Variants in SLC35E4 observed in about 807,000 individuals in gnomAD.
SLC35E4 encodes solute carrier family 35 member E4.
SLC35E4 carries 15 observed loss-of-function variants against 19.3 expected under a neutral mutation model. That is an observed-to-expected ratio of 0.78 (90% CI 0.52 to 1.20). The LOEUF (loss-of-function observed/expected upper bound fraction) is 1.20, where lower values mean the gene tolerates loss of function less well. Ranked by LOEUF, SLC35E4 falls within the 50% of genes most tolerant of loss-of-function variation. The pLI, the probability that SLC35E4 is intolerant of heterozygous loss-of-function variation, is 0.00. For missense variants in SLC35E4, 406 were observed against 472.3 expected (o/e 0.86, Z 1.30); for synonymous variants, 219 against 219.9 (o/e 1.00, Z 0.04).
At chr22:30,660,782 T>C (rs1476523012) in intron 2 of SLC35E4, among the ~76,000 whole-genome samples, 1 of 151,128 alleles carries the variant, frequency 6.6e-6, no homozygotes, top group Admixed American at 6.6e-5. Context: ...TGGGAAACAA[T>C]AGTTAGAATG....
intron 2 of SLC35E4, among the ~76,000 whole-genome samples, chr22:30,657,293 ACACACAC>A (rs1569065147): frequency 6.6e-6 from 1 of 150,772 alleles, no homozygotes; most frequent in Non-Finnish European, 1.5e-5. Context: ...ACACACACAC[ACACACAC>A]ACACACAAAT....
chr22:30,648,365 G>A (rs575068004), downstream of SLC35E4, among the ~76,000 whole-genome samples: 1 of 151,870 alleles, frequency 6.6e-6, no homozygotes, highest in African/African-American at 2.4e-5. Context: ...TGTTCCCTCC[G>A]TCCAGTCCCC....
At chr22:30,663,909 CCATTG>C, downstream of SLC35E4, 1 of 1,614,198 alleles carries the variant, frequency 6.2e-7, no homozygotes, top group Non-Finnish European at 8.5e-7. Flanking sequence ...GGCGGCCACA[CCATTG>C]CTGATATACA....
At chr22:30,641,024 C>T (rs182421676) in intron 1 of SLC35E4, among the ~76,000 whole-genome samples, 1 of 152,308 alleles carries the variant, frequency 6.6e-6, no homozygotes, top group African/African-American at 2.4e-5. Flanking sequence ...CTATTTTTTG[C>T]CCTCAGGTTA....
chr22:30,652,564 T>A (rs1191404411), downstream of SLC35E4, among the ~76,000 whole-genome samples: 1 of 152,208 alleles, frequency 6.6e-6, no homozygotes, highest in Non-Finnish European at 1.5e-5. Context: ...AACTTGGAGA[T>A]TAGAAGCAAG....
chr22:30,665,059 G>A (rs1435415704), downstream of SLC35E4: 3 of 153,186 alleles, frequency 2.0e-5, no homozygotes, highest in Admixed American at 6.5e-5. Flanking sequence ...CCTCAGGTGC[G>A]GCCTGGGTGC....
downstream of SLC35E4, chr22:30,667,964 G>A (rs1569076984): frequency 6.5e-6 from 1 of 152,746 alleles, no homozygotes; most frequent in Non-Finnish European, 1.5e-5. Flanking sequence ...TTCCGCCCAG[G>A]GACTAACTCC....
At chr22:30,650,962 C>T (rs193180067), downstream of SLC35E4, among the ~76,000 whole-genome samples, 1 of 151,636 alleles carries the variant, frequency 6.6e-6, no homozygotes, top group East Asian at 2.0e-4. Flanking sequence ...TCTACCCTCC[C>T]CTGGTGGCCC....
At position 30,636,543 on chromosome 22, in the gene SLC35E4, C is replaced by T; in HGVS notation, c.93C>T (p.Pro31=). 1.9e-6 allele frequency: 3 copies of T among 1,559,658 alleles called. No homozygotes were observed. Among genetic ancestry groups the T allele is most frequent in the Middle Eastern group, 3.4e-4 (2 of 5,956 alleles). ...AAGGAQAAGP[P]EWPPGSPQAL... is the part of the protein sequence containing the mutation. Reference sequence around the variant, plus strand: ...GTGGTGCTCAGGCGGCTGGGCCCCCCGAGTGGCCCCCTGGCAGCCCTCAGG... The same window carrying T: ...GTGGTGCTCAGGCGGCTGGGCCCCCTGAGTGGCCCCCTGGCAGCCCTCAGG... The change falls in exon 1 of 2, where the codon CCC becomes CCT. Residue 31 remains proline (P), a synonymous_variant. Coordinates refer to ENST00000343605, the MANE Select transcript of SLC35E4 (RefSeq NM_001001479.4).
rs1274908922 is a variant in SLC35E4 at position 30,636,376 on chromosome 22, C to T, written c.-75C>T. On this transcript the variant is annotated 5_prime_UTR_variant, in exon 1 of 2. Transcript: ENST00000343605. ...CGGAGGAACCAGGATCTAGCCTGGC[C>T]CCAAGCGGAACTCTCTGGTGGCCCA... 2 of 1,432,418 alleles carry T rather than the reference C, an allele frequency of 1.4e-6. No individual in the cohort carries two copies. Among genetic ancestry groups the T allele is most frequent in the African/African-American group, 1.4e-5 (1 of 69,562 alleles). 88.7% of individuals were successfully genotyped at this position (1,432,418 alleles called of 1,614,324 possible).
In SLC35E4 at chr22:30,637,042, C is replaced by T; in HGVS notation, c.592C>T (p.Leu198Phe). The T allele has an allele frequency of 1.3e-6, 2 of 1,581,738 alleles. No individual in the cohort carries two copies. The highest frequency in any genetic ancestry group is 2.3e-5 in the South Asian group (2 of 88,036). The part of the protein sequence containing the change: ...GCGFLLAATC[L>F]RGLKSVQQSA... ...TGGCTTCCTGCTCGCAGCCACCTGC[C>T]TCCGCGGACTCAAGTCGGTTCAGCA... The change falls in exon 1 of 2, where the codon CTC (leucine) becomes TTC (phenylalanine). Residue 198 changes from leucine to phenylalanine, a missense_variant. Leu to Phe is a conservative substitution (Grantham distance 22). Coordinates refer to ENST00000343605, the MANE Select transcript of SLC35E4 (RefSeq NM_001001479.4).
At chr22:30,654,250 C>T (rs1419647585) in intron 2 of SLC35E4, 4 of 400,172 alleles carry the variant, frequency 1.0e-5, no homozygotes, top group Non-Finnish European at 1.5e-5. Flanking sequence ...TCCCAAAGTG[C>T]TAGGATTACA....
intron 1 of SLC35E4, among the ~76,000 whole-genome samples, chr22:30,643,868 G>A (rs911790321): frequency 2.0e-5 from 3 of 152,216 alleles, no homozygotes; most frequent in African/African-American, 7.2e-5. Flanking sequence ...CAATGAGGCA[G>A]GACAAACAGG....
Position 30,636,239 on chromosome 22 carries a change from C to A in SLC35E4, c.-212C>A, listed in dbSNP as rs746754044. The A allele has an allele frequency of 2.6e-5, 17 of 642,686 alleles. No individual in the cohort carries two copies. The highest frequency in any genetic ancestry group is 4.4e-4 in the Middle Eastern group (1 of 2,280). 39.8% of individuals were successfully genotyped at this position (642,686 alleles called of 1,614,324 possible). On this transcript the variant is annotated 5_prime_UTR_variant, in exon 1 of 2. Coordinates refer to ENST00000343605, the MANE Select transcript of SLC35E4 (RefSeq NM_001001479.4). ...GACCCTGGCATCCTAGCAGCCGCGA[C>A]CTTGGCTCTGCCCTGTCTGAGCTGG...
rs2088158047 is a variant in SLC35E4 at position 30,647,656 on chromosome 22, G to A, written c.*625G>A. 6.6e-6 allele frequency: 1 copy of A among 152,216 alleles called. No homozygotes were observed. Among genetic ancestry groups the A allele is most frequent in the African/African-American group, 2.4e-5 (1 of 41,422 alleles). 9.4% of individuals were successfully genotyped at this position (152,216 alleles called of 1,614,324 possible). A position where few individuals can be genotyped will look rare whatever the true frequency, so the allele number is the denominator to read the frequency against. ...TCAATTACGATGCCAAAAATTGCTGGGCAAACTTTGAAGACCTCAACTTGT... is the reference window on the plus strand; with the variant it reads ...TCAATTACGATGCCAAAAATTGCTGAGCAAACTTTGAAGACCTCAACTTGT... On this transcript the variant is annotated 3_prime_UTR_variant, in exon 2 of 2. Coordinates refer to ENST00000343605, the MANE Select transcript of SLC35E4 (RefSeq NM_001001479.4).
chr22:30,662,720 G>A (rs41282549), exon 3 of SLC35E4: 15,376 of 151,984 alleles, frequency 0.1, 958 homozygotes, highest in African/African-American at 0.18. Flanking sequence ...TCCCAGCCAC[G>A]CAGGAGGCTA....
chr22:30,661,426 TTTTTTTCTTTTCTTTTTC>T (rs2088462414), intron 2 of SLC35E4: 2 of 150,480 alleles, frequency 1.3e-5, no homozygotes, highest in Admixed American at 1.3e-4. Flanking sequence ...CAAGCATTTC[TTTTTTTCTTTTCTTTTTC>T]TTTTTTTTTT....
chr22:30,651,709 A>T (rs1258939572), downstream of SLC35E4, among the ~76,000 whole-genome samples: 1 of 152,036 alleles, frequency 6.6e-6, no homozygotes, highest in Non-Finnish European at 1.5e-5. Context: ...AGGTAACTCC[A>T]TGACAGTGGG....
chr22:30,668,270 GC>G, downstream of SLC35E4: 1 of 152,476 alleles, frequency 6.6e-6, no homozygotes, highest in African/African-American at 2.4e-5. Flanking sequence ...TCTCCTTCCC[GC>G]GCCGCGGACC....
Sources: gnomAD v4.1 joint callset for allele counts (sites outside exome capture counted in the v4.1 genomes callset) on GRCh38, gnomAD v4.1.1 for gene constraint, MANE v1.5 for transcripts, NCBI Gene and HGNC (gene_info 2026-07-23, HGNC 2026-07-21) for gene names.